NTN4: variants seen among roughly 807,000 people sequenced by gnomAD.
NTN4 encodes the protein netrin 4, also known as netrin-4.
Under a neutral mutation model 73.6 loss-of-function variants are expected in NTN4, and 32 were observed. The ratio of observed to expected loss-of-function variants is 0.44; its 90% CI spans 0.33 to 0.58. The LOEUF is 0.58. Among genes scored for constraint, NTN4 ranks in the 20% least tolerant of loss-of-function variants. The pLI is 0.04. For missense variants in NTN4, 654 were observed against 798.3 expected (o/e 0.82, Z 2.18); for synonymous variants, 258 against 287.5 (o/e 0.90, Z 1.04).
intron 5 of NTN4, among the ~76,000 whole-genome samples, chr12:95,684,475 A>T (rs10777718): frequency 0.27 from 40,571 of 148,372 alleles, 6,288 homozygotes; most frequent in Non-Finnish European, 0.36. Context: ...CTTAAAAAAA[A>T]TTTTTTTTTT....
Position 95,679,390 on chromosome 12 carries a change from G to C in NTN4, c.1510+3317C>G, listed in dbSNP as rs1356891656. Among the ~76,000 whole-genome samples the C allele has an allele frequency of 2.6e-5, 4 of 152,070 alleles. No homozygotes were observed. In the East Asian group the frequency reaches 7.7e-4, roughly 29 times the overall value. On this transcript the variant is annotated intron_variant, in intron 7 of 9. Transcript: ENST00000343702. ...ATGATAAGGTAGCATTACAGATAATGGCCTCAGCTGCTCATTCCCATGACC... is the reference window on the plus strand; with the variant it reads ...ATGATAAGGTAGCATTACAGATAATCGCCTCAGCTGCTCATTCCCATGACC...
intron 2 of NTN4, among the ~76,000 whole-genome samples, chr12:95,748,195 C>T (rs1364278452): frequency 8.1e-6 from 1 of 123,368 alleles, no homozygotes; most frequent in South Asian, 2.5e-4. Flanking sequence ...CATGCCACTG[C>T]AATCCGGCCT....
chr12:95,757,457 G>C (rs993975535), intron 2 of NTN4, among the ~76,000 whole-genome samples: 1 of 152,100 alleles, frequency 6.6e-6, no homozygotes, highest in African/African-American at 2.4e-5. Flanking sequence ...CAAGTGATCA[G>C]GGGAGTGAAA....
At chr12:95,769,568 A>T (rs968970652) in intron 2 of NTN4, among the ~76,000 whole-genome samples, 1 of 146,878 alleles carries the variant, frequency 6.8e-6, no homozygotes. Context: ...AAAAAAAAAA[A>T]GGAAATGATG....
intron 6 of NTN4, 130 bp from the exon 7 acceptor site, chr12:95,682,952 AGG>A: frequency 1.7e-6 from 1 of 574,706 alleles, no homozygotes; most frequent in Non-Finnish European, 3.1e-6. Context: ...TAGTGTTTTA[AGG>A]AACTATTGTG....
At chr12:95,735,937 ATTTAT>A (rs1565901329) in intron 3 of NTN4, among the ~76,000 whole-genome samples, 2 of 146,912 alleles carry the variant, frequency 1.4e-5, no homozygotes, top group African/African-American at 5.1e-5. Flanking sequence ...TTATTTATTT[ATTTAT>A]TTATTTATTT....
chr12:95,688,585 T>C (rs1474578819), intron 5 of NTN4, among the ~76,000 whole-genome samples: 1 of 151,960 alleles, frequency 6.6e-6, no homozygotes, highest in Non-Finnish European at 1.5e-5. Context: ...AAAGTTGGGG[T>C]CATAAATACA....
At chr12:95,773,610 T>C (rs896062720) in intron 2 of NTN4, among the ~76,000 whole-genome samples, 1 of 151,950 alleles carries the variant, frequency 6.6e-6, no homozygotes, top group African/African-American at 2.4e-5. Context: ...CTTCTCTATG[T>C]ATGTCCACAA....
intron 3 of NTN4, among the ~76,000 whole-genome samples, chr12:95,735,475 G>A (rs1565901097): frequency 1.3e-5 from 2 of 152,124 alleles, no homozygotes; most frequent in Non-Finnish European, 2.9e-5. Context: ...AAAGATGTCA[G>A]CAAACTAATA....
intron 5 of NTN4, among the ~76,000 whole-genome samples, chr12:95,694,917 C>T (rs993288577): frequency 3.3e-5 from 5 of 152,120 alleles, no homozygotes; most frequent in East Asian, 1.9e-4. Context: ...CACTTGAGGC[C>T]AGGAGTTCAA....
chr12:95,754,350 G>C (rs2078932371), intron 2 of NTN4, among the ~76,000 whole-genome samples: 1 of 151,894 alleles, frequency 6.6e-6, no homozygotes, highest in Non-Finnish European at 1.5e-5. Flanking sequence ...AAGCAGCCCT[G>C]AGAAACATCG....
At chr12:95,773,610 T>G (rs896062720) in intron 2 of NTN4, among the ~76,000 whole-genome samples, 1 of 151,950 alleles carries the variant, frequency 6.6e-6, no homozygotes, top group South Asian at 2.1e-4. Context: ...CTTCTCTATG[T>G]ATGTCCACAA....
At chr12:95,661,074 A>G (rs2078134569) in intron 9 of NTN4, among the ~76,000 whole-genome samples, 1 of 152,220 alleles carries the variant, frequency 6.6e-6, no homozygotes, top group South Asian at 2.1e-4. Flanking sequence ...AAGAAACATA[A>G]TAATTGTGTT....
At position 95,787,109 on chromosome 12, in the gene NTN4, G is replaced by C. The variant is rs1261762712; in HGVS notation, c.415C>G (p.Pro139Ala). Residue 139 changes from proline (P) to alanine (A), a missense_variant, in exon 2 of 10, where the codon CCG becomes GCG. Physicochemically the swap from Pro to Ala is conservative, Grantham distance 27. Coordinates refer to ENST00000343702, the MANE Select transcript of NTN4 (RefSeq NM_021229.4). ...HLIVMFKSPR[P>A]AAMVLDRSQD... The stretch of plus-strand genomic sequence containing the variant: ...GAGCGGTCCAGCACCATGGCAGCCG[G>C]CCTGGGGGACTTGAACATCACAATT... 9.9e-6 allele frequency: 16 copies of C among 1,614,074 alleles called. No individual in the cohort carries two copies. Among genetic ancestry groups the C allele is most frequent in the African/African-American group, 2.7e-5 (2 of 74,920 alleles).
intron 2 of NTN4, among the ~76,000 whole-genome samples, chr12:95,768,363 C>T (rs1295587187): frequency 6.6e-6 from 1 of 151,976 alleles, no homozygotes; most frequent in Non-Finnish European, 1.5e-5. Flanking sequence ...CCATCTACCC[C>T]TAAATTATTT....
At chr12:95,685,168 C>A (rs1238454686) in intron 5 of NTN4, among the ~76,000 whole-genome samples, 1 of 152,156 alleles carries the variant, frequency 6.6e-6, no homozygotes, top group African/African-American at 2.4e-5. Context: ...CTGTGCCTAG[C>A]CCATCAACTC....
intron 2 of NTN4, among the ~76,000 whole-genome samples, chr12:95,750,507 G>A (rs868252757): frequency 1.1e-4 from 17 of 152,258 alleles, no homozygotes; most frequent in South Asian, 4.1e-4. Flanking sequence ...CAAATAGCCA[G>A]AAAATGGCAC....
At chr12:95,662,242 T>TG (rs1272476150) in intron 9 of NTN4, among the ~76,000 whole-genome samples, 2 of 146,820 alleles carry the variant, frequency 1.4e-5, no homozygotes, top group African/African-American at 5.0e-5. Flanking sequence ...TTTCTTTTTT[T>TG]TTTTTTTTGA....
chr12:95,661,241 T>C (rs2078135723), intron 9 of NTN4, among the ~76,000 whole-genome samples: 1 of 152,232 alleles, frequency 6.6e-6, no homozygotes. Flanking sequence ...ATGTAGCATT[T>C]ATCCTGTCTT....
Sources: allele counts gnomAD v4.1 joint callset (sites outside exome capture counted in the v4.1 genomes callset), GRCh38; gene constraint gnomAD v4.1.1; transcripts MANE v1.5; gene names NCBI Gene and HGNC (gene_info 2026-07-23, HGNC 2026-07-21).